The following ATG16L2 variants were observed in gnomAD, a reference collection of about 807,000 sequenced individuals.
ATG16L2 encodes the protein protein Atg16l2.
ATG16L2 carries 77 observed loss-of-function variants against 84.7 expected under a neutral mutation model. The observed-to-expected ratio is 0.91, with a 90% CI of 0.76 to 1.10. The LOEUF (loss-of-function observed/expected upper bound fraction) is 1.10. Among genes scored for constraint, ATG16L2 ranks in the 50% least tolerant of loss-of-function variants. The pLI is 0.00. For missense variants in ATG16L2, 782 were observed against 817.6 expected, an observed-to-expected ratio of 0.96 and a Z score of 0.53; for synonymous variants, 361 against 342.8, an observed-to-expected ratio of 1.05 and a Z score of -0.59.
rs534893300 is a variant in ATG16L2 at position 72,827,789 on chromosome 11, C to T, written c.1472+496C>T. Among the ~76,000 whole-genome samples the T allele has an allele frequency of 3.3e-5, 5 of 152,208 alleles. No homozygotes were observed. In the East Asian group the frequency reaches 5.8e-4, roughly 18 times the overall value. On this transcript the variant is annotated intron_variant, in intron 14 of 17. Transcript: ENST00000321297. ...CCCTGTCTCTACTAAAAATATTAGC[C>T]GGGTGTGGTGGCAGATGCCTGTAAT... is the stretch of plus-strand genomic sequence containing the variant.
intron 7 of ATG16L2, 195 bp downstream of exon 7, chr11:72,823,156 C>A: frequency 3.7e-6 from 2 of 544,982 alleles, no homozygotes; most frequent in Non-Finnish European, 6.5e-6. Context: ...CATCTCACCC[C>A]CCCAACCCCT....
intron 7 of ATG16L2, 22 bp from the exon 8 acceptor site, chr11:72,824,038 A>C (rs112951181): frequency 0.012 from 19,474 of 1,614,018 alleles, 140 homozygotes; most frequent in Non-Finnish European, 0.014. Context: ...CCCTTAGCAT[A>C]TCTCTCTTGG....
intron 7 of ATG16L2, 98 bp from the exon 8 acceptor site, chr11:72,823,962 C>G: frequency 7.3e-7 from 1 of 1,363,876 alleles, no homozygotes; most frequent in Non-Finnish European, 1.0e-6. Context: ...TGAGAGGTTA[C>G]AAGCCTCCAG....
Position 72,822,762 on chromosome 11 carries a change from A to T in ATG16L2, c.711-86A>T. The T allele has an allele frequency of 8.7e-7, 1 of 1,147,300 alleles. No homozygotes were observed. The highest frequency in any genetic ancestry group is 1.2e-6 in the Non-Finnish European group (1 of 807,788). 71.1% of individuals were successfully genotyped at this position (1,147,300 alleles called of 1,614,324 possible). ...CCACACAGAACCCTCATCACTGGGAATTCCTGTCTTCAGCGTATCCTGTGC... is the reference window on the plus strand; with the variant it reads ...CCACACAGAACCCTCATCACTGGGATTTCCTGTCTTCAGCGTATCCTGTGC... On this transcript the variant is annotated intron_variant, in intron 6 of 17. Transcript: ENST00000321297. The surrounding 1 kb of genome is among the most constrained non-coding windows in gnomAD (Gnocchi z 4.2).
downstream of ATG16L2, among the ~76,000 whole-genome samples, chr11:72,834,497 T>G (rs1443006045): frequency 1.3e-5 from 2 of 152,200 alleles, no homozygotes; most frequent in African/African-American, 2.4e-5. Context: ...TATTGTGACC[T>G]TTTTTGTGTG....
intron 17 of ATG16L2, 99 bp downstream of exon 17, chr11:72,829,083 C>A: frequency 1.5e-6 from 2 of 1,295,612 alleles, no homozygotes; most frequent in Non-Finnish European, 2.2e-6. Context: ...CAGCCCTTGT[C>A]CCTCCACCTT....
intron 17 of ATG16L2, 68 bp from the exon 18 acceptor site, chr11:72,829,235 C>T (rs906103362): frequency 5.5e-5 from 85 of 1,542,230 alleles, no homozygotes; most frequent in Middle Eastern, 1.7e-4. Flanking sequence ...GTCCAGCAGT[C>T]GGGGCAGAGC....
chr11:72,829,287 C>A lies in ATG16L2; in HGVS notation c.1773-16C>A. On this transcript the variant is annotated splice_polypyrimidine_tract_variant and intron_variant, in intron 17 of 17. Coordinates refer to ENST00000321297, the MANE Select transcript of ATG16L2 (RefSeq NM_033388.2). ...TTCCTGAAGCCCCCCTGAAGCCTGC[C>A]CCTCCCTTTCCCCAGCGCTGCCGTC... The A allele has an allele frequency of 6.2e-7, 1 of 1,611,856 alleles. No homozygotes were observed. The highest frequency in any genetic ancestry group is 8.5e-7 in the Non-Finnish European group (1 of 1,178,754).
chr11:72,816,629 T>C, intron 1 of ATG16L2, 99 bp from the exon 2 acceptor site: 1 of 954,784 alleles, frequency 1.0e-6, no homozygotes, highest in Non-Finnish European at 1.6e-6. Context: ...CCCTAGCATC[T>C]CTGGGCTCCT....
Position 72,827,295 on chromosome 11 carries a change from T to G in ATG16L2, c.1472+2T>G. ...GAAGATCCGGTTCTGGGACAGCAGG[T>G]GACAGGCGCAGGCTGGGGGAGGACT... On this transcript the variant is annotated splice_donor_variant, in intron 14 of 17. Transcript: ENST00000321297. LOFTEE classifies it high-confidence loss of function. 6.2e-7 allele frequency: 1 copy of G among 1,612,256 alleles called. No individual in the cohort carries two copies. The highest frequency in any genetic ancestry group is 8.5e-7 in the Non-Finnish European group (1 of 1,178,412).
chr11:72,814,962 C>T (rs1859622307), intron 1 of ATG16L2, among the ~76,000 whole-genome samples: 2 of 152,260 alleles, frequency 1.3e-5, no homozygotes, highest in Non-Finnish European at 2.9e-5. Flanking sequence ...TTGTCCAGAG[C>T]AGCCACTTAT....
At chr11:72,823,250 A>C (rs1591305087) in intron 7 of ATG16L2, 1 of 372,256 alleles carries the variant, frequency 2.7e-6, no homozygotes, top group Non-Finnish European at 5.0e-6. Context: ...CCAGGAGAGA[A>C]CCTGTGGGCA....
At position 72,817,752 on chromosome 11, in the gene ATG16L2, G is replaced by A. The variant is rs985715520; in HGVS notation, c.219-4G>A. 6.2e-7 allele frequency: 1 copy of A among 1,613,596 alleles called. No homozygotes were observed. The highest frequency in any genetic ancestry group is 8.5e-7 in the Non-Finnish European group (1 of 1,179,952). On this transcript the variant is annotated splice_polypyrimidine_tract_variant and splice_region_variant and intron_variant, in intron 2 of 17. Coordinates refer to ENST00000321297, the MANE Select transcript of ATG16L2 (RefSeq NM_033388.2). Reference sequence around the variant, plus strand: ...CATTGAGCACCACTCTGATTGGTTGGCAGGGAGGAGTCAGAGCTTGACTCA... The same window carrying A: ...CATTGAGCACCACTCTGATTGGTTGACAGGGAGGAGTCAGAGCTTGACTCA...
intron 5 of ATG16L2, among the ~76,000 whole-genome samples, chr11:72,840,478 C>T (rs905404613): frequency 3.9e-5 from 6 of 152,154 alleles, no homozygotes; most frequent in East Asian, 1.9e-4. Flanking sequence ...GGAGAATAAA[C>T]GCTCTTTAAG....
intron 5 of ATG16L2, chr11:72,841,340 CAAAAAAAAAAAAAAA>C (rs59748827): frequency 2.7e-6 from 1 of 371,388 alleles, no homozygotes; most frequent in South Asian, 2.3e-5. Context: ...ACTCTGTCTC[CAAAAAAAAAAAAAAA>C]AAAAAAAAAG....
At chr11:72,836,443 A>G (rs1367244956) in intron 5 of ATG16L2, among the ~76,000 whole-genome samples, 1 of 152,090 alleles carries the variant, frequency 6.6e-6, no homozygotes, top group Non-Finnish European at 1.5e-5. Flanking sequence ...AGCTGCCTCT[A>G]TGCTATCTGC....
chr11:72,824,255 T>C, intron 8 of ATG16L2, 133 bp downstream of exon 8: 1 of 1,123,892 alleles, frequency 8.9e-7, no homozygotes, highest in Non-Finnish European at 1.3e-6. Context: ...TGTTGGGCCT[T>C]GGAGACAGGA....
chr11:72,818,218 T>G (rs1285773092), intron 3 of ATG16L2: 2 of 203,484 alleles, frequency 9.8e-6, no homozygotes, highest in African/African-American at 4.7e-5. Context: ...ACTACAGAAG[T>G]TAGGTTCATT....
chr11:72,840,983 T>C (rs751969318), intron 5 of ATG16L2: 1 of 1,565,450 alleles, frequency 6.4e-7, no homozygotes, highest in Non-Finnish European at 8.8e-7. Context: ...CCAAAGAAGC[T>C]CATTTTACTT....
Sources: allele counts gnomAD v4.1 joint callset (sites outside exome capture counted in the v4.1 genomes callset), GRCh38; gene constraint gnomAD v4.1.1; non-coding constraint Gnocchi (gnomAD v3.1); transcripts MANE v1.5; gene names NCBI Gene and HGNC (gene_info 2026-07-23, HGNC 2026-07-21).